ZNF93: variants seen among roughly 807,000 people sequenced by gnomAD.
The protein encoded by ZNF93 is zinc finger protein 93.
In ZNF93, 29 loss-of-function variants were observed where a neutral mutation model predicts 45.0. The observed-to-expected ratio is 0.64, with a 90% CI of 0.48 to 0.88. The LOEUF (loss-of-function observed/expected upper bound fraction) is 0.88, where lower values mean the gene tolerates loss of function less well. Among genes scored for constraint, ZNF93 ranks in the 40% least tolerant of loss-of-function variants. The pLI is 0.00. For synonymous variants in ZNF93, 223 were observed against 244.6 expected, an observed-to-expected ratio of 0.91 and a Z score of 0.82; for missense variants, 578 against 724.0, an observed-to-expected ratio of 0.80 and a Z score of 2.31.
At chr19:19,930,261 T>C (rs565935988) in intron 3 of ZNF93, among the ~76,000 whole-genome samples, 1 of 152,216 alleles carries the variant, frequency 6.6e-6, no homozygotes, top group Non-Finnish European at 1.5e-5. Context: ...TCAGAGACTT[T>C]TAGTACTTTC....
At chr19:19,910,062 G>A (rs909681682) in intron 1 of ZNF93, among the ~76,000 whole-genome samples, 1 of 148,302 alleles carries the variant, frequency 6.7e-6, no homozygotes, top group Non-Finnish European at 1.5e-5. Context: ...AGAGTAACAT[G>A]TGTGTGCTGA....
rs1363480384 is a variant in ZNF93, at chr19:19,934,627, C to A, written c.1672C>A (p.Leu558Ile). The A allele has an allele frequency of 5.0e-6, 8 of 1,612,774 alleles. No homozygotes were observed. In the South Asian group the frequency reaches 7.7e-5, roughly 16 times the overall value. Residue 558 changes from leucine (L) to isoleucine (I), a missense_variant, in exon 4 of 4, where the codon CTT (leucine) becomes ATT (isoleucine). By Grantham distance (5) the Leu-to-Ile change is conservative (BLOSUM62 2). Around this residue, in one of 3 missense-constraint regions of ZNF93, gnomAD observed 119 missense variants for 123.1 expected, o/e 0.97. Transcript: ENST00000343769. ...CACACACCTTACTACACATAAGATA[C>A]TTCATACTGGAGAGAAACCTTATAG... The part of the protein sequence containing the change: ...LSTHLTTHKI[L>I]HTGEKPYRCR...
chr19:19,914,607 C>A, intron 1 of ZNF93: 1 of 190,156 alleles, frequency 5.3e-6, no homozygotes, highest in South Asian at 8.9e-5. Flanking sequence ...TTTTTCTCTT[C>A]ATTATTAAGC....
chr19:19,924,488 G>A (rs2063350801), intron 3 of ZNF93, among the ~76,000 whole-genome samples: 1 of 152,044 alleles, frequency 6.6e-6, no homozygotes, highest in Non-Finnish European at 1.5e-5. Flanking sequence ...GTTTTGTATT[G>A]GTGTCTGAAT....
rs1045584348 is a variant in ZNF93 at position 19,923,176 on chromosome 19, C to T, written c.226+6521C>T. ...CAGTCAGGACCCTCAGCTGCAGGTC[C>T]GTTGGAGTTTGCTGGAGGTCCACTC... On this transcript the variant is annotated intron_variant, in intron 3 of 3. Transcript: ENST00000343769. Among the ~76,000 whole-genome samples the T allele has an allele frequency of 7.7e-4, 117 of 152,248 alleles. 1 individual carries two copies. The highest frequency in any genetic ancestry group is 2.6e-3 in the African/African-American group (110 of 41,530).
At chr19:19,906,904 C>T (rs2063294377) in intron 1 of ZNF93, among the ~76,000 whole-genome samples, 1 of 149,430 alleles carries the variant, frequency 6.7e-6, no homozygotes, top group Admixed American at 6.8e-5. Flanking sequence ...TTTATAACAT[C>T]TTTTTCTCTT....
chr19:19,901,615 G>C (rs1181799556), intron 1 of ZNF93, among the ~76,000 whole-genome samples: 1 of 152,046 alleles, frequency 6.6e-6, no homozygotes, highest in East Asian at 1.9e-4. Flanking sequence ...CTGGTCATAA[G>C]TTGTAAAAAT....
intron 3 of ZNF93, chr19:19,932,048 G>A: frequency 2.9e-6 from 1 of 339,276 alleles, no homozygotes; most frequent in South Asian, 2.2e-5. Flanking sequence ...GGCCAAGGTG[G>A]GTGGATCCCG....
At chr19:19,924,207 C>T (rs910592193) in intron 3 of ZNF93, among the ~76,000 whole-genome samples, 5 of 152,098 alleles carry the variant, frequency 3.3e-5, no homozygotes, top group Non-Finnish European at 7.3e-5. Context: ...CCTGCCTCAG[C>T]CTCCAGAGTA....
intron 3 of ZNF93, among the ~76,000 whole-genome samples, chr19:19,930,123 C>T (rs924993747): frequency 2.0e-5 from 3 of 151,828 alleles, no homozygotes; most frequent in African/African-American, 7.3e-5. Flanking sequence ...GAGTGTGAGT[C>T]ATCTCCAATG....
intron 3 of ZNF93, among the ~76,000 whole-genome samples, chr19:19,918,970 T>C (rs1424200063): frequency 2.6e-5 from 4 of 152,220 alleles, no homozygotes; most frequent in African/African-American, 9.6e-5. Flanking sequence ...TAGATCCCAT[T>C]TGTCAATTTT....
chr19:19,916,800 G>GT, intron 3 of ZNF93, 145 bp downstream of exon 3: 1 of 595,422 alleles, frequency 1.7e-6, no homozygotes, highest in Non-Finnish European at 2.9e-6. Flanking sequence ...TTTTGTTTCT[G>GT]TTTTTTAATT....
At chr19:19,902,278 G>A (rs2063275340) in intron 1 of ZNF93, among the ~76,000 whole-genome samples, 1 of 151,766 alleles carries the variant, frequency 6.6e-6, no homozygotes, top group South Asian at 2.1e-4. Flanking sequence ...TTTGGACAGA[G>A]TTTTGCGTTT....
intron 3 of ZNF93, among the ~76,000 whole-genome samples, chr19:19,929,937 CAAAAAAAAAAAAAAAAA>C (rs71172547): frequency 1.4e-4 from 8 of 57,686 alleles, no homozygotes; most frequent in Admixed American, 8.2e-4. Flanking sequence ...GACTCCGTCT[CAAAAAAAAAAAAAAAAA>C]AAAAAAAAGA....
chr19:19,912,894 A>G (rs1344682436), intron 1 of ZNF93, among the ~76,000 whole-genome samples: 1 of 152,242 alleles, frequency 6.6e-6, no homozygotes, highest in Non-Finnish European at 1.5e-5. Context: ...TAAACATTGC[A>G]TTAGTACCTG....
rs34703441 is a variant in ZNF93 at position 19,904,059 on chromosome 19, G to GAAAA, written c.3+2982_3+2985dup. 5.3e-5 allele frequency among the ~76,000 whole-genome samples: 6 copies of GAAAA among 113,976 alleles called. No individual in the cohort carries two copies. The East Asian group carries it at 1.5e-3, about 28-fold the overall frequency. The allele number at this position is 113,976 out of a possible 152,430, so 74.8% of individuals were successfully genotyped here. ...GGGCAACAGAGCGAGATTCTGGCTG[G>GAAAA]AAAAAAAAAAAAAAAAAGAAATATT... On this transcript the variant is annotated intron_variant, in intron 1 of 3. Coordinates refer to ENST00000343769, the MANE Select transcript of ZNF93 (RefSeq NM_031218.4).
chr19:19,930,696 C>T (rs2063371300), intron 3 of ZNF93, among the ~76,000 whole-genome samples: 1 of 152,072 alleles, frequency 6.6e-6, no homozygotes, highest in African/African-American at 2.4e-5. Context: ...CTCTGTATGG[C>T]CTGGCTTTTC....
intron 1 of ZNF93, among the ~76,000 whole-genome samples, chr19:19,905,310 C>T (rs1188291648): frequency 6.6e-6 from 1 of 151,918 alleles, no homozygotes; most frequent in Admixed American, 6.6e-5. Flanking sequence ...TATTTTTTCA[C>T]TGAGGTACTA....
intron 3 of ZNF93, among the ~76,000 whole-genome samples, chr19:19,924,109 T>TG (rs543146357): frequency 7.9e-5 from 12 of 152,038 alleles, no homozygotes; most frequent in Non-Finnish European, 1.3e-4. Context: ...TGTTTTTTGG[T>TG]GGGATTTCAG....
Sources: gnomAD v4.1 joint callset for allele counts (sites outside exome capture counted in the v4.1 genomes callset) on GRCh38, gnomAD v4.1.1 for gene constraint, gnomAD v4.1.1 regional missense constraint, MANE v1.5 for transcripts, NCBI Gene and HGNC (gene_info 2026-07-23, HGNC 2026-07-21) for gene names.